Variants in ATP8B1 observed in about 807,000 individuals in gnomAD.
ATP8B1 encodes phospholipid-transporting ATPase IC.
Under a neutral mutation model 149.9 loss-of-function variants are expected in ATP8B1, and 80 were observed. That is an observed-to-expected ratio of 0.53 (90% CI 0.45 to 0.64). The LOEUF is 0.64. Among genes scored for constraint, ATP8B1 ranks in the 30% least tolerant of loss-of-function variants. The pLI is 0.00. For missense variants in ATP8B1, 1,247 were observed against 1,552.6 expected, an observed-to-expected ratio of 0.80 and a Z score of 3.31; for synonymous variants, 536 against 562.8, an observed-to-expected ratio of 0.95 and a Z score of 0.67.
intron 1 of ATP8B1, among the ~76,000 whole-genome samples, chr18:57,800,607 A>G (rs960980479): frequency 2.0e-5 from 3 of 152,244 alleles, no homozygotes; most frequent in African/African-American, 7.2e-5. Context: ...CAATCTAATA[A>G]AGAAAGTAAG....
At chr18:57,694,332 T>A (rs990876406) in intron 11 of ATP8B1, among the ~76,000 whole-genome samples, 2 of 152,008 alleles carry the variant, frequency 1.3e-5, no homozygotes, top group Non-Finnish European at 2.9e-5. Context: ...ATCAAAGCAC[T>A]CAGGGCACCC....
chr18:57,782,664 C>T (rs2080367476), intron 1 of ATP8B1, among the ~76,000 whole-genome samples: 1 of 152,106 alleles, frequency 6.6e-6, no homozygotes, highest in Non-Finnish European at 1.5e-5. Flanking sequence ...TCTTCAGTCA[C>T]CTCTGGTTTA....
chr18:57,756,208 T>TACACACAC (rs1440484587), intron 1 of ATP8B1, among the ~76,000 whole-genome samples: 2 of 84,728 alleles, frequency 2.4e-5, no homozygotes. Context: ...TATATATATA[T>TACACACAC]ATACACACAC....
intron 15 of ATP8B1, among the ~76,000 whole-genome samples, chr18:57,678,022 A>T (rs1911705341): frequency 6.6e-6 from 1 of 152,210 alleles, no homozygotes; most frequent in African/African-American, 2.4e-5. Flanking sequence ...AGATGGGAAG[A>T]ACGTCAGTGA....
At chr18:57,681,966 AC>A (rs1599110712) in intron 15 of ATP8B1, among the ~76,000 whole-genome samples, 1 of 151,854 alleles carries the variant, frequency 6.6e-6, no homozygotes, top group East Asian at 1.9e-4. Flanking sequence ...CTGACAGTGG[AC>A]AAAGAGCTGC....
chr18:57,800,196 G>T (rs376844609), intron 1 of ATP8B1, among the ~76,000 whole-genome samples: 3 of 152,136 alleles, frequency 2.0e-5, no homozygotes, highest in East Asian at 3.8e-4. Context: ...AGAGATTTGG[G>T]ACATAAATTG....
At chr18:57,706,711 T>C in intron 2 of ATP8B1, 124 bp from the exon 3 acceptor site, 1 of 791,294 alleles carries the variant, frequency 1.3e-6, no homozygotes, top group Admixed American at 2.1e-5. Context: ...TGTGACCTTA[T>C]TTGGAAACTG....
chr18:57,761,149 T>TAAAATA (rs1218970133), intron 1 of ATP8B1, among the ~76,000 whole-genome samples: 1 of 129,654 alleles, frequency 7.7e-6, no homozygotes, highest in Non-Finnish European at 1.6e-5. Context: ...TAAAATAAAA[T>TAAAATA]AAAGAAGCCC....
At chr18:57,705,588 A>T (rs1913349657) in intron 3 of ATP8B1, among the ~76,000 whole-genome samples, 1 of 152,144 alleles carries the variant, frequency 6.6e-6, no homozygotes, top group Admixed American at 6.6e-5. Flanking sequence ...TGAAGATGGA[A>T]GCAGAGATTG....
intron 27 of ATP8B1, among the ~76,000 whole-genome samples, chr18:57,649,200 A>ATCTATCTATCTATCTATCTATCTG (rs1274112280): frequency 1.3e-5 from 2 of 151,850 alleles, no homozygotes; most frequent in African/African-American, 4.8e-5. Context: ...ATATCTATCT[A>ATCTATCTATCTATCTATCTATCTG]TCTATCTATC....
chr18:57,781,082 A>T (rs566681461), intron 1 of ATP8B1, among the ~76,000 whole-genome samples: 1 of 152,376 alleles, frequency 6.6e-6, no homozygotes, highest in East Asian at 1.9e-4. Flanking sequence ...CTGGTCAGAT[A>T]TGAGTCATCT....
At chr18:57,718,831 A>G (rs527965478) in intron 2 of ATP8B1, among the ~76,000 whole-genome samples, 18 of 152,314 alleles carry the variant, frequency 1.2e-4, no homozygotes, top group African/African-American at 4.1e-4. Context: ...TCACTTCATG[A>G]TAAAAAAAAT....
intron 1 of ATP8B1, among the ~76,000 whole-genome samples, chr18:57,757,416 G>A (rs147387510): frequency 7.9e-4 from 120 of 152,304 alleles, no homozygotes; most frequent in Middle Eastern, 6.8e-3. Context: ...TAGAGACCAA[G>A]ATCTTGGCAC....
At chr18:57,651,606 GTA>G (rs1464592342) in intron 26 of ATP8B1, among the ~76,000 whole-genome samples, 1 of 151,466 alleles carries the variant, frequency 6.6e-6, no homozygotes, top group African/African-American at 2.4e-5. Flanking sequence ...ATAATAATTT[GTA>G]TATATTTGTT....
Position 57,661,233 on chromosome 18 carries a change from T to C in ATP8B1, c.2648A>G (p.Tyr883Cys). The change falls in exon 22 of 28, where the codon TAC becomes TGC. Residue 883 changes from tyrosine to cysteine, a missense_variant. Tyr to Cys is a radical substitution (Grantham distance 194, BLOSUM62 -2). This residue lies in a region of ATP8B1 where 230 missense variants were observed against 356.6 expected (regional missense o/e 0.65). Transcript: ENST00000648908. ...KAMVVDLVKR[Y>C]KKAITLAIGD... ...GATGGCCAGCGTGATGGCTTTCTTGTACCTCTTCACCAGGTCCACCACCAT... is the reference window on the plus strand; with the variant it reads ...GATGGCCAGCGTGATGGCTTTCTTGCACCTCTTCACCAGGTCCACCACCAT... 1.9e-6 allele frequency: 3 copies of C among 1,614,064 alleles called. No homozygotes were observed. The highest frequency in any genetic ancestry group is 1.7e-6 in the Non-Finnish European group (2 of 1,180,010).
chr18:57,668,640 A>T (rs1911044317), intron 18 of ATP8B1, 100 bp from the exon 19 acceptor site: 5 of 736,756 alleles, frequency 6.8e-6, no homozygotes, highest in Non-Finnish European at 1.1e-5. Context: ...AGGGCTAATT[A>T]TACATCCTGG....
intron 1 of ATP8B1, among the ~76,000 whole-genome samples, chr18:57,751,906 TA>T (rs202182834): frequency 0.012 from 1,807 of 151,948 alleles, 25 homozygotes; most frequent in Non-Finnish European, 0.019. Context: ...TCTAACAGAG[TA>T]AAAATCCAAA....
chr18:57,725,659 C>T (rs946204196), intron 2 of ATP8B1, among the ~76,000 whole-genome samples: 8 of 152,114 alleles, frequency 5.3e-5, no homozygotes, highest in Admixed American at 6.6e-5. Context: ...ACCAAAACAA[C>T]GTGGTATTGG....
Position 57,652,051 on chromosome 18 carries a change from G to C in ATP8B1, c.3383C>G (p.Ser1128Cys). 6.2e-7 allele frequency: 1 copy of C among 1,613,618 alleles called. No individual in the cohort carries two copies. The highest frequency in any genetic ancestry group is 8.5e-7 in the Non-Finnish European group (1 of 1,179,830). Residue 1128 changes from serine to cysteine, a missense_variant, in exon 26 of 28, where the codon TCT becomes TGT. Transcript: ENST00000648908. ...ATACCAACCTGTAAATTGAAATGCA[G>C]ATGGAAAGAGAACATGTATTCCAGC... ...HSAGIHVLFP[S>C]AFQFTGTASN...
Sources: allele counts gnomAD v4.1 joint callset (sites outside exome capture counted in the v4.1 genomes callset), GRCh38; gene constraint gnomAD v4.1.1; regional missense constraint gnomAD v4.1.1; transcripts MANE v1.5; gene names NCBI Gene and HGNC (gene_info 2026-07-23, HGNC 2026-07-21).